The following KIF20B variants were observed in gnomAD, a reference collection of about 807,000 sequenced individuals.
The protein encoded by KIF20B is kinesin-like protein KIF20B.
KIF20B carries 188 observed loss-of-function variants against 232.5 expected under a neutral mutation model. That is an observed-to-expected ratio of 0.81 (90% confidence interval 0.72 to 0.91). KIF20B has a LOEUF of 0.91. KIF20B is among the 40% of genes least tolerant of loss of function. The pLI is 0.00. For missense variants in KIF20B, 2,154 were observed against 2,055.9 expected (o/e 1.05, Z -0.92); for synonymous variants, 712 against 683.0 (o/e 1.04, Z -0.66).
chr10:89,710,089 G>T, intron 5 of KIF20B, 24 bp downstream of exon 5: 1 of 1,586,162 alleles, frequency 6.3e-7, no homozygotes, highest in South Asian at 1.2e-5. Flanking sequence ...TATTTTGGTT[G>T]GAAAGGATAA....
intron 18 of KIF20B, among the ~76,000 whole-genome samples, chr10:89,732,033 T>C (rs959661135): frequency 1.3e-5 from 2 of 152,232 alleles, no homozygotes; most frequent in Non-Finnish European, 2.9e-5. Context: ...TTGATTACTC[T>C]ATAGACTTGC....
At chr10:89,716,582 C>T (rs1842939447) in intron 9 of KIF20B, 35 bp downstream of exon 9, 2 of 968,954 alleles carry the variant, frequency 2.1e-6, no homozygotes, top group Non-Finnish European at 3.2e-6. Context: ...AAACTCGAAT[C>T]ACCGATAGTA....
rs1841732392 is a variant in KIF20B at position 89,738,964 on chromosome 10, AGAG to A, written c.3786_3788del (p.Glu1263del). The A allele has an allele frequency of 6.2e-7, 1 of 1,610,184 alleles. No individual in the cohort carries two copies. Among genetic ancestry groups the A allele is most frequent in the African/African-American group, 1.3e-5 (1 of 74,604 alleles). ...AGTGGTTTATGTTTTTTAGATTGAAAGAGGAACTCTCTGCAAGCTCTGCTCGTA... is the reference window on the plus strand; with the variant it reads ...AGTGGTTTATGTTTTTTAGATTGAAAGAACTCTCTGCAAGCTCTGCTCGTA... On this transcript the variant is annotated inframe_deletion, in exon 21 of 33. Transcript: ENST00000371728.
chr10:89,750,670 C>T (rs1024252162), intron 23 of KIF20B, among the ~76,000 whole-genome samples: 29 of 152,124 alleles, frequency 1.9e-4, no homozygotes, highest in African/African-American at 7.0e-4. Flanking sequence ...AACTGATCTT[C>T]CCTCTTTATC....
chr10:89,739,198 C>A, intron 21 of KIF20B, 102 bp downstream of exon 21: 1 of 1,261,008 alleles, frequency 7.9e-7, no homozygotes, highest in Non-Finnish European at 1.1e-6. Flanking sequence ...AACATTTATC[C>A]ACTTTATAAT....
intron 25 of KIF20B, among the ~76,000 whole-genome samples, chr10:89,753,864 C>T (rs1369044899): frequency 2.0e-5 from 3 of 152,150 alleles, no homozygotes; most frequent in Admixed American, 1.3e-4. Flanking sequence ...GTGATCCGCC[C>T]ACCTTGGCCT....
chr10:89,721,858 T>C (rs974274953), intron 13 of KIF20B, among the ~76,000 whole-genome samples: 10 of 152,216 alleles, frequency 6.6e-5, no homozygotes, highest in Admixed American at 1.3e-4. Context: ...AGGAAATTCA[T>C]CAAAATGTCT....
At chr10:89,735,667 A>G (rs1435842395) in intron 19 of KIF20B, among the ~76,000 whole-genome samples, 7 of 150,066 alleles carry the variant, frequency 4.7e-5, no homozygotes, top group Admixed American at 3.4e-4. Context: ...CCTCCCGACT[A>G]GCTGGGATTA....
chr10:89,759,459 G>A (rs954574886), intron 27 of KIF20B, among the ~76,000 whole-genome samples: 1 of 151,958 alleles, frequency 6.6e-6, no homozygotes. Flanking sequence ...GGAATAATCT[G>A]TACTTAAAAA....
intron 25 of KIF20B, among the ~76,000 whole-genome samples, 181 bp from the exon 26 acceptor site, chr10:89,754,337 G>A (rs1202336996): frequency 1.3e-5 from 2 of 151,890 alleles, no homozygotes; most frequent in Non-Finnish European, 2.9e-5. Context: ...GTTTAGGAAA[G>A]CAAACCAGTT....
At chr10:89,756,036 C>T (rs1842113043) in intron 26 of KIF20B, among the ~76,000 whole-genome samples, 1 of 152,138 alleles carries the variant, frequency 6.6e-6, no homozygotes, top group Admixed American at 6.5e-5. Context: ...GTGAGCTAAA[C>T]TTTCCAGCAT....
intron 19 of KIF20B, among the ~76,000 whole-genome samples, chr10:89,733,868 A>G (rs951589768): frequency 1.3e-5 from 2 of 152,214 alleles, no homozygotes; most frequent in Non-Finnish European, 2.9e-5. Context: ...AAATTGCACA[A>G]TTACAGCTTC....
chr10:89,742,048 A>G (rs535535138), intron 21 of KIF20B, among the ~76,000 whole-genome samples: 29 of 152,186 alleles, frequency 1.9e-4, no homozygotes, highest in Non-Finnish European at 2.2e-4. Context: ...TCTTAACTTA[A>G]TAAATAAAGA....
At chr10:89,763,291 A>C (rs1298103776) in intron 29 of KIF20B, among the ~76,000 whole-genome samples, 1 of 152,160 alleles carries the variant, frequency 6.6e-6, no homozygotes, top group Non-Finnish European at 1.5e-5. Flanking sequence ...AAAAATAAAG[A>C]ATATTACTGT....
At chr10:89,738,704 T>C (rs2133129356) in intron 20 of KIF20B, 87 bp downstream of exon 20, 1 of 1,428,490 alleles carries the variant, frequency 7.0e-7, no homozygotes, top group South Asian at 1.5e-5. Flanking sequence ...TAGTCATACT[T>C]AATCTGGTAA....
At chr10:89,702,916 G>T (rs1256576070) in intron 1 of KIF20B, among the ~76,000 whole-genome samples, 1 of 152,160 alleles carries the variant, frequency 6.6e-6, no homozygotes. Context: ...AGTTGGGAAG[G>T]CCACGTATAA....
intron 13 of KIF20B, among the ~76,000 whole-genome samples, chr10:89,722,368 T>C (rs1287224342): frequency 6.6e-6 from 1 of 152,190 alleles, no homozygotes; most frequent in South Asian, 2.1e-4. Flanking sequence ...AACCTAATTA[T>C]TGAAAACTAT....
rs751298392 is a variant in KIF20B, at chr10:89,717,510, CTTTAAA to C, written c.1124+21_1124+26del. ...CGAGTCAGTGAGTAAGTTGAATATT[CTTTAAA>C]TTTAATTATTTGTAATTGTTTTGAA... On this transcript the variant is annotated intron_variant, in intron 10 of 32. Transcript: ENST00000371728. 5.0e-6 allele frequency: 8 copies of C among 1,584,638 alleles called. No individual in the cohort carries two copies. Among genetic ancestry groups the C allele is most frequent in the Non-Finnish European group, 5.2e-6 (6 of 1,160,322 alleles).
chr10:89,709,825 G>A (rs1315743684), intron 4 of KIF20B, 102 bp from the exon 5 acceptor site: 2 of 923,368 alleles, frequency 2.2e-6, no homozygotes, highest in African/African-American at 3.4e-5. Flanking sequence ...CCTATTTTAA[G>A]AATGAATCTT....
Sources: gnomAD v4.1 joint callset for allele counts (sites outside exome capture counted in the v4.1 genomes callset) on GRCh38, gnomAD v4.1.1 for gene constraint, MANE v1.5 for transcripts, NCBI Gene and HGNC (gene_info 2026-07-23, HGNC 2026-07-21) for gene names.